CDKAL1: variants seen among roughly 807,000 people sequenced by gnomAD.
CDKAL1 encodes threonylcarbamoyladenosine tRNA methylthiotransferase.
CDKAL1 carries 32 observed loss-of-function variants against 68.2 expected under a neutral mutation model. The ratio of observed to expected loss-of-function variants is 0.47; its 90% CI spans 0.35 to 0.63. CDKAL1 has a LOEUF of 0.63. Among genes scored for constraint, CDKAL1 ranks in the 30% least tolerant of loss-of-function variants. The pLI is 0.00. For synonymous variants in CDKAL1, 234 were observed against 244.3 expected, an observed-to-expected ratio of 0.96 and a Z score of 0.39; for missense variants, 606 against 696.7, an observed-to-expected ratio of 0.87 and a Z score of 1.47.
chr6:21,125,709 C>G (rs1187918953), intron 13 of CDKAL1, among the ~76,000 whole-genome samples: 1 of 152,096 alleles, frequency 6.6e-6, no homozygotes. Flanking sequence ...CAAAAAACCT[C>G]TTTATAAATT....
chr6:21,123,688 C>T (rs932185339), intron 13 of CDKAL1, among the ~76,000 whole-genome samples: 21 of 152,210 alleles, frequency 1.4e-4, no homozygotes, highest in African/African-American at 4.8e-4. Context: ...AGTTCACTCC[C>T]ACATGTTGTA....
intron 5 of CDKAL1, among the ~76,000 whole-genome samples, chr6:20,708,987 A>G (rs183572723): frequency 5.3e-5 from 8 of 152,264 alleles, no homozygotes; most frequent in Non-Finnish European, 7.4e-5. Flanking sequence ...TATACAGTAG[A>G]ACTAAATCCA....
chr6:20,844,875 A>G (rs1161710336), intron 8 of CDKAL1, among the ~76,000 whole-genome samples: 1 of 152,198 alleles, frequency 6.6e-6, no homozygotes, highest in Non-Finnish European at 1.5e-5. Flanking sequence ...CAACTGGGAG[A>G]CTAGAACCTC....
At chr6:21,059,060 G>A (rs1477188287) in intron 11 of CDKAL1, among the ~76,000 whole-genome samples, 4 of 152,144 alleles carry the variant, frequency 2.6e-5, no homozygotes, top group Admixed American at 2.6e-4. Context: ...CCTCCCCTCA[G>A]GGTCTCTGTC....
At chr6:20,743,826 C>T (rs1191835809) in intron 6 of CDKAL1, among the ~76,000 whole-genome samples, 2 of 152,174 alleles carry the variant, frequency 1.3e-5, no homozygotes. Context: ...TGTGCACAAA[C>T]CTGTCTAATT....
At chr6:20,941,949 G>C (rs747182619) in intron 9 of CDKAL1, among the ~76,000 whole-genome samples, 4 of 152,138 alleles carry the variant, frequency 2.6e-5, no homozygotes, top group Non-Finnish European at 4.4e-5. Flanking sequence ...TCGGCAAGAG[G>C]ATAACTAACA....
chr6:20,728,840 C>G (rs1172839337), intron 5 of CDKAL1, among the ~76,000 whole-genome samples: 2 of 152,034 alleles, frequency 1.3e-5, no homozygotes, highest in East Asian at 1.9e-4. Context: ...TATTAGAATG[C>G]TTACTCTTTT....
intron 10 of CDKAL1, among the ~76,000 whole-genome samples, chr6:20,993,972 C>A (rs1766972309): frequency 6.6e-6 from 1 of 152,164 alleles, no homozygotes; most frequent in South Asian, 2.1e-4. Flanking sequence ...TTTTTCCATG[C>A]TCGCTGCTAC....
chr6:20,888,074 C>T (rs1761180892), intron 9 of CDKAL1, among the ~76,000 whole-genome samples: 2 of 151,470 alleles, frequency 1.3e-5, no homozygotes, highest in South Asian at 2.1e-4. Context: ...TTGCTGCACC[C>T]GTTAACTTGT....
chr6:20,924,702 G>C (rs1233504549), intron 9 of CDKAL1, among the ~76,000 whole-genome samples: 1 of 152,214 alleles, frequency 6.6e-6, no homozygotes, highest in Non-Finnish European at 1.5e-5. Flanking sequence ...AGCAGAGGTT[G>C]ATTCATGAGG....
At chr6:21,043,845 C>G (rs569615588) in intron 11 of CDKAL1, among the ~76,000 whole-genome samples, 1 of 152,340 alleles carries the variant, frequency 6.6e-6, no homozygotes, top group South Asian at 2.1e-4. Flanking sequence ...GTATACAGCA[C>G]TGTGTCTTGG....
At chr6:20,869,181 A>T (rs1760062665) in intron 9 of CDKAL1, among the ~76,000 whole-genome samples, 1 of 152,208 alleles carries the variant, frequency 6.6e-6, no homozygotes, top group Non-Finnish European at 1.5e-5. Flanking sequence ...TGTAATTCAC[A>T]ATCTCGGCCA....
chr6:20,634,113 A>G (rs1003478880), intron 4 of CDKAL1, among the ~76,000 whole-genome samples: 1 of 152,198 alleles, frequency 6.6e-6, no homozygotes, highest in East Asian at 1.9e-4. Flanking sequence ...TTTGTGCCAA[A>G]CAACTAAGGG....
Position 21,031,349 on chromosome 6 carries a change from AC to A in CDKAL1, c.1055+30978del, listed in dbSNP as rs943043315. Among the ~76,000 whole-genome samples, 19 of 150,678 alleles carry A rather than the reference AC, an allele frequency of 1.3e-4. 1 individual carries two copies. The highest frequency in any genetic ancestry group is 4.6e-4 in the African/African-American group (19 of 41,038). ...CCTTCTGCTTGCAACGGGGAAAAAC[AC>A]TCTGCTTTTATTAAAGGGTTCACCT... On this transcript the variant is annotated intron_variant, in intron 11 of 15. Transcript: ENST00000274695.
intron 13 of CDKAL1, among the ~76,000 whole-genome samples, chr6:21,186,415 TG>T (rs1275355223): frequency 2.0e-5 from 3 of 152,238 alleles, no homozygotes; most frequent in African/African-American, 7.2e-5. Context: ...ATGAATTTTT[TG>T]ATAATGATTA....
At chr6:20,969,568 T>C (rs1465802374) in intron 10 of CDKAL1, among the ~76,000 whole-genome samples, 1 of 152,208 alleles carries the variant, frequency 6.6e-6, no homozygotes, top group Non-Finnish European at 1.5e-5. Flanking sequence ...CTGTATTCTT[T>C]GTCATGTGTG....
At chr6:20,981,434 C>A (rs945596225) in intron 10 of CDKAL1, among the ~76,000 whole-genome samples, 5 of 152,098 alleles carry the variant, frequency 3.3e-5, no homozygotes, top group Non-Finnish European at 7.3e-5. Context: ...TCTTAGATAC[C>A]CCTTGCAAAA....
intron 5 of CDKAL1, among the ~76,000 whole-genome samples, chr6:20,683,381 A>G (rs1770471005): frequency 6.6e-6 from 1 of 152,034 alleles, no homozygotes; most frequent in African/African-American, 2.4e-5. Context: ...TTGTGTTAAT[A>G]TAGATCCATT....
chr6:20,966,049 T>G (rs1765294289), intron 10 of CDKAL1, among the ~76,000 whole-genome samples: 1 of 152,220 alleles, frequency 6.6e-6, no homozygotes, highest in Non-Finnish European at 1.5e-5. Context: ...TCCTCATATT[T>G]TACATCAGGT....
Sources: allele counts gnomAD v4.1 joint callset (sites outside exome capture counted in the v4.1 genomes callset), GRCh38; gene constraint gnomAD v4.1.1; transcripts MANE v1.5; gene names NCBI Gene and HGNC (gene_info 2026-07-23, HGNC 2026-07-21).